Variants in ELL3 observed in about 807,000 individuals in gnomAD.
ELL3 encodes elongation factor for RNA polymerase II 3.
In ELL3, 48 loss-of-function variants were observed where a neutral mutation model predicts 58.5. The ratio of observed to expected loss-of-function variants is 0.82; its 90% confidence interval spans 0.65 to 1.04. The LOEUF (loss-of-function observed/expected upper bound fraction) is 1.04, where lower values mean the gene tolerates loss of function less well. ELL3 is among the 50% of genes least tolerant of loss of function. The pLI is 0.00. For synonymous variants in ELL3, 174 were observed against 173.2 expected, an observed-to-expected ratio of 1.00 and a Z score of -0.04; for missense variants, 458 against 478.4, an observed-to-expected ratio of 0.96 and a Z score of 0.40.
At chr15:43,773,676 C>T (rs917333687) in intron 9 of ELL3, among the ~76,000 whole-genome samples, 1 of 148,488 alleles carries the variant, frequency 6.7e-6, no homozygotes, top group South Asian at 2.1e-4. Context: ...CCAGCCTGGG[C>T]AACCAAGTGA....
At chr15:43,776,341 C>T in intron 2 of ELL3, 168 bp downstream of exon 2, 2 of 1,234,444 alleles carry the variant, frequency 1.6e-6, no homozygotes, top group South Asian at 2.6e-5. Flanking sequence ...ACCACAGCCC[C>T]CTGGGACAAC....
chr15:43,776,614 G>A, intron 1 of ELL3, 70 bp from the exon 2 acceptor site: 1 of 1,551,152 alleles, frequency 6.4e-7, no homozygotes, highest in Middle Eastern at 1.7e-4. Flanking sequence ...GGCGTCCGGA[G>A]CCCGGGATCA....
In ELL3 at chr15:43,773,302, A is replaced by AC; in HGVS notation, c.1083+1dup. 8 of 1,614,160 alleles carry AC rather than the reference A, an allele frequency of 5.0e-6. No homozygotes were observed. Among genetic ancestry groups the AC allele is most frequent in the Non-Finnish European group, 6.8e-6 (8 of 1,180,016 alleles). On this transcript the variant is annotated splice_donor_variant, in intron 10 of 10. Coordinates refer to ENST00000319359, the MANE Select transcript of ELL3 (RefSeq NM_025165.3). LOFTEE classifies it high-confidence loss of function. ...TGCTTCCGTTCCCAGACCTTGTCTT[A>AC]CCTTCCTGAACTTTTTATATTCCTG...
At chr15:43,776,484 TCA>T (rs747858791) in intron 2 of ELL3, 23 bp downstream of exon 2, 56 of 1,560,108 alleles carry the variant, frequency 3.6e-5, no homozygotes, top group Admixed American at 7.6e-5. Flanking sequence ...CTCACCTCGC[TCA>T]CACACCCTGA....
Position 43,776,438 on chromosome 15 carries a change from C to A in ELL3, c.168+71G>T, listed in dbSNP as rs1219470460. 21 of 1,551,378 alleles carry A rather than the reference C, an allele frequency of 1.4e-5. 1 individual carries two copies. In the South Asian group the frequency reaches 2.1e-4, roughly 16 times the overall value. ...CTCGCAGCCTCCGGCCCCGACCGCACCTTCCACCTCCAGCCCACGTTTATG... is the reference window on the plus strand; with the variant it reads ...CTCGCAGCCTCCGGCCCCGACCGCAACTTCCACCTCCAGCCCACGTTTATG... On this transcript the variant is annotated intron_variant, in intron 2 of 10. Coordinates refer to ENST00000319359, the MANE Select transcript of ELL3 (RefSeq NM_025165.3).
chr15:43,776,478 C>G (rs1297587377), intron 2 of ELL3, 31 bp downstream of exon 2: 5 of 1,558,774 alleles, frequency 3.2e-6, no homozygotes, highest in Non-Finnish European at 4.3e-6. Context: ...CTCGCCCTCA[C>G]CTCGCTCACA....
chr15:43,774,541 CA>C (rs1187135869), intron 7 of ELL3, 23 bp from the exon 8 acceptor site: 1 of 1,614,130 alleles, frequency 6.2e-7, no homozygotes. Flanking sequence ...CAAGAAAACA[CA>C]AGTGATTATA....
rs1329068394 is a variant in ELL3, at chr15:43,772,910, C to G, written c.*206G>C. 1.2e-5 allele frequency: 5 copies of G among 422,940 alleles called. No homozygotes were observed. The allele number at this position is 422,940 out of a possible 1,614,324, so 26.2% of individuals were successfully genotyped here. A position where few individuals can be genotyped will look rare whatever the true frequency, so the allele number is the denominator to read the frequency against. On this transcript the variant is annotated 3_prime_UTR_variant, in exon 11 of 11. Transcript: ENST00000319359. The stretch of plus-strand genomic sequence containing the variant: ...GTCACTTTTCCTAGACTCCTAGGCA[C>G]AGCTATGGAGTCTTTGCACAGTGCC...
Position 43,773,233 on chromosome 15 carries a change from A to G in ELL3, c.1084-7T>C, listed in dbSNP as rs1264157577. 6.2e-7 allele frequency: 1 copy of G among 1,613,782 alleles called. No homozygotes were observed. On this transcript the variant is annotated splice_region_variant and splice_polypyrimidine_tract_variant and intron_variant, in intron 10 of 10. Coordinates refer to ENST00000319359, the MANE Select transcript of ELL3 (RefSeq NM_025165.3). ...CTCTGTAACTTGGGTACTGCTGCAG[A>G]GAAAAAGCATCCATGTCAAAAAGTA...
Position 43,776,961 on chromosome 15 carries a change from T to A in ELL3, c.-60A>T. The A allele has an allele frequency of 6.3e-7, 1 of 1,596,398 alleles. No individual in the cohort carries two copies. Among genetic ancestry groups the A allele is most frequent in the Non-Finnish European group, 8.5e-7 (1 of 1,176,602 alleles). ...ACAGGCGAGGGCCACCACCGCCACC[T>A]CCTCTGTTCAGGGTTTGGTTGGCAC... On this transcript the variant is annotated 5_prime_UTR_variant, in exon 1 of 11. Transcript: ENST00000319359.
chr15:43,776,419 G>T, intron 2 of ELL3, 90 bp downstream of exon 2: 1 of 1,539,978 alleles, frequency 6.5e-7, no homozygotes, highest in South Asian at 1.2e-5. Flanking sequence ...ACTACTCGCA[G>T]CCTCCGGCCC....
At chr15:43,773,389 A>T in intron 9 of ELL3, 41 bp from the exon 10 acceptor site, 1 of 1,611,816 alleles carries the variant, frequency 6.2e-7, no homozygotes, top group Non-Finnish European at 8.5e-7. Context: ...ACATTAAGAA[A>T]TGAGAGAGGG....
intron 2 of ELL3, 70 bp from the exon 3 acceptor site, chr15:43,776,221 G>A (rs769413709): frequency 4.9e-6 from 7 of 1,414,844 alleles, no homozygotes; most frequent in Middle Eastern, 1.8e-4. Flanking sequence ...CCACTCGTCC[G>A]GGAGCCAGTC....
Position 43,773,175 on chromosome 15 carries a change from T to G in ELL3, c.1135A>C (p.Lys379Gln). ...EKRRCEYLHQ[K>Q]LSHIKGLILE... ...ATGAGACCTTTAATGTGGGACAATT[T>G]CTGGTGAAGGTACTCACAGCGACGC... Residue 379 changes from lysine to glutamine, a missense_variant, in exon 11 of 11, where the codon AAA (lysine) becomes CAA (glutamine). Coordinates refer to ENST00000319359, the MANE Select transcript of ELL3 (RefSeq NM_025165.3). 2.5e-6 allele frequency: 4 copies of G among 1,614,022 alleles called. No homozygotes were observed. Among genetic ancestry groups the G allele is most frequent in the East Asian group, 2.2e-5 (1 of 44,882 alleles).
Position 43,775,491 on chromosome 15 carries a change from G to A in ELL3, c.569+34C>T, listed in dbSNP as rs372579644. On this transcript the variant is annotated intron_variant, in intron 5 of 10. Transcript: ENST00000319359. ...GATTAGAAAGGAAGACAATGCCAAA[G>A]CTTCCCATGTTAGTCCCACCCCATC... The A allele has an allele frequency of 3.1e-6, 5 of 1,612,792 alleles. No homozygotes were observed. The African/African-American group carries it at 6.7e-5, about 22-fold the overall frequency.
In ELL3 at chr15:43,774,202, G is replaced by A. The variant is rs143380716; in HGVS notation, c.1018C>T (p.Arg340Ter). Residue 340 changes from arginine to a stop codon, truncating the protein, a stop_gained, in exon 9 of 11, where the codon CGA becomes TGA. Coordinates refer to ENST00000319359, the MANE Select transcript of ELL3 (RefSeq NM_025165.3). LOFTEE classifies it high-confidence loss of function. ...ELGAEIKRVR[R>*]GTPEYKVLED... ...CTTACCTTGTATTCTGGAGTTCCTCGCCGAACTCTTTTAATCTCTGCTCCC... is the reference window on the plus strand; with the variant it reads ...CTTACCTTGTATTCTGGAGTTCCTCACCGAACTCTTTTAATCTCTGCTCCC... 29 of 1,614,154 alleles carry A rather than the reference G, an allele frequency of 1.8e-5. No homozygotes were observed. The East Asian group carries it at 3.6e-4, about 20-fold the overall frequency.
rs1473103604 is a variant in ELL3 at position 43,774,300 on chromosome 15, A to G, written c.920T>C (p.Phe307Ser). The G allele has an allele frequency of 2.5e-6, 4 of 1,614,070 alleles. No individual in the cohort carries two copies. Among genetic ancestry groups the G allele is most frequent in the Non-Finnish European group, 2.5e-6 (3 of 1,180,050 alleles). ...GCGGTATTCAGCATAATCTGTCTCA[A>G]AGTCCTGCTCATAGGCATGTTGCTG... ...AEQQHAYEQD[F>S]ETDYAEYRIL... Residue 307 changes from phenylalanine (F) to serine (S), a missense_variant, in exon 9 of 11, where the codon TTT (phenylalanine) becomes TCT (serine). Coordinates refer to ENST00000319359, the MANE Select transcript of ELL3 (RefSeq NM_025165.3).
At position 43,774,272 on chromosome 15, in the gene ELL3, G is replaced by C. The variant is rs752481368; in HGVS notation, c.948C>G (p.Ile316Met). The C allele has an allele frequency of 1.1e-5, 18 of 1,614,066 alleles. No individual in the cohort carries two copies. Among genetic ancestry groups the C allele is most frequent in the Non-Finnish European group, 1.4e-5 (17 of 1,180,042 alleles). The change falls in exon 9 of 11, where the codon ATC (isoleucine) becomes ATG (methionine). Residue 316 changes from isoleucine to methionine, a missense_variant. Coordinates refer to ENST00000319359, the MANE Select transcript of ELL3 (RefSeq NM_025165.3). Reference protein sequence around the residue: ...DFETDYAEYRILHARVGTASQ... With the variant: ...DFETDYAEYRMLHARVGTASQ... ...TTGCAGTCCCAACACGGGCATGCAG[G>C]ATGCGGTATTCAGCATAATCTGTCT...
intron 1 of ELL3, 86 bp downstream of exon 1, chr15:43,776,684 C>T (rs943462795): frequency 1.5e-5 from 23 of 1,553,210 alleles, no homozygotes; most frequent in Admixed American, 1.3e-4. Context: ...AAGCCGCTCC[C>T]TCTCCCCTGC....
Sources: allele counts gnomAD v4.1 joint callset (sites outside exome capture counted in the v4.1 genomes callset), GRCh38; gene constraint gnomAD v4.1.1; transcripts MANE v1.5; gene names NCBI Gene and HGNC (gene_info 2026-07-23, HGNC 2026-07-21).